The following SYT2 variants were observed in gnomAD, a reference collection of about 807,000 sequenced individuals.
SYT2 encodes the protein synaptotagmin-2.
Under a neutral mutation model 39.9 loss-of-function variants are expected in SYT2, and 15 were observed. That is an observed-to-expected ratio of 0.38 (90% CI 0.25 to 0.58). The LOEUF (loss-of-function observed/expected upper bound fraction) is 0.58, where lower values mean the gene tolerates loss of function less well. Among genes scored for constraint, SYT2 ranks in the 20% least tolerant of loss-of-function variants. The pLI, the probability that SYT2 is intolerant of heterozygous loss-of-function variation, is 0.70. For synonymous variants in SYT2, 181 were observed against 204.5 expected (o/e 0.89, Z 0.98); for missense variants, 389 against 530.3 (o/e 0.73, Z 2.62).
At chr1:202,631,145 CAAGCTGGCAA>C (rs546506332) in intron 1 of SYT2, among the ~76,000 whole-genome samples, 2 of 152,350 alleles carry the variant, frequency 1.3e-5, no homozygotes, top group South Asian at 4.1e-4. Flanking sequence ...AGTGCTCTTC[CAAGCTGGCAA>C]AATCCTGAGC....
intron 1 of SYT2, among the ~76,000 whole-genome samples, chr1:202,685,925 G>A (rs1371722624): frequency 2.0e-5 from 3 of 152,130 alleles, no homozygotes; most frequent in African/African-American, 7.2e-5. Flanking sequence ...GGGGTGTGCA[G>A]ATGCAGGAGC....
chr1:202,617,126 C>T (rs574906285), intron 1 of SYT2, among the ~76,000 whole-genome samples: 1 of 152,356 alleles, frequency 6.6e-6, no homozygotes, highest in South Asian at 2.1e-4. Flanking sequence ...CCAGCCTACA[C>T]TCCTTCTTTT....
intron 1 of SYT2, among the ~76,000 whole-genome samples, chr1:202,679,134 GCTT>G (rs1249855838): frequency 6.6e-6 from 1 of 152,126 alleles, no homozygotes; most frequent in South Asian, 2.1e-4. Flanking sequence ...CCTCCGCTCA[GCTT>G]CTTCTCCTTA....
At chr1:202,682,661 G>C (rs999273135) in intron 1 of SYT2, among the ~76,000 whole-genome samples, 4 of 152,162 alleles carry the variant, frequency 2.6e-5, no homozygotes, top group Admixed American at 2.6e-4. Context: ...CTAAACAACT[G>C]AGGCACGGGC....
chr1:202,647,591 G>A (rs1017021785), intron 1 of SYT2, among the ~76,000 whole-genome samples: 1 of 152,244 alleles, frequency 6.6e-6, no homozygotes, highest in African/African-American at 2.4e-5. Context: ...GCTGAATGAG[G>A]AGTGAGGGAG....
chr1:202,667,024 G>A (rs1692492144), intron 1 of SYT2, among the ~76,000 whole-genome samples: 1 of 152,070 alleles, frequency 6.6e-6, no homozygotes, highest in African/African-American at 2.4e-5. Flanking sequence ...CCAAAAGATT[G>A]TCATTATGTT....
rs1690163153 is a variant in SYT2 at position 202,592,571 on chromosome 1, A to G, written c.*4186T>C. On this transcript the variant is annotated 3_prime_UTR_variant, in exon 9 of 9. Transcript: ENST00000367268. The stretch of plus-strand genomic sequence containing the variant: ...CTTGATTAAACAAGATTCTGTTCAT[A>G]TGTTTCTAGGTAATTATCTTCTTTT... The G allele has an allele frequency of 6.6e-6, 1 of 152,246 alleles. No individual in the cohort carries two copies. The highest frequency in any genetic ancestry group is 1.5e-5 in the Non-Finnish European group (1 of 68,042). The allele number at this position is 152,246 out of a possible 1,614,324, so 9.4% of individuals were successfully genotyped here. A position where few individuals can be genotyped will look rare whatever the true frequency, so the allele number is the denominator to read the frequency against.
At chr1:202,669,720 T>C (rs1692547462) in intron 1 of SYT2, among the ~76,000 whole-genome samples, 1 of 148,678 alleles carries the variant, frequency 6.7e-6, no homozygotes, top group Non-Finnish European at 1.5e-5. Context: ...ATCATACCAC[T>C]GAACTCCGGC....
intron 5 of SYT2, 90 bp downstream of exon 5, chr1:202,602,288 C>T: frequency 2.1e-6 from 3 of 1,430,038 alleles, no homozygotes; most frequent in Non-Finnish European, 2.9e-6. Context: ...CAGGCTGAGC[C>T]ATGGCTAAGG....
At chr1:202,708,086 T>C (rs996233416) in intron 1 of SYT2, among the ~76,000 whole-genome samples, 1 of 152,220 alleles carries the variant, frequency 6.6e-6, no homozygotes, top group Admixed American at 6.5e-5. Flanking sequence ...TGAAACCAGC[T>C]TCAGTCCTAA....
At chr1:202,693,796 A>G (rs1362266965) in intron 1 of SYT2, among the ~76,000 whole-genome samples, 2 of 152,218 alleles carry the variant, frequency 1.3e-5, no homozygotes, top group Non-Finnish European at 2.9e-5. Flanking sequence ...CTACAAAGAA[A>G]TACCTGAGGC....
Position 202,604,452 on chromosome 1 carries a change from T to C in SYT2, c.345+3A>G, listed in dbSNP as rs1268159971. On this transcript the variant is annotated splice_donor_region_variant and intron_variant, in intron 3 of 8. Transcript: ENST00000367268. ...AGTCCCCCTCACAACCAATGTGCCC[T>C]ACCTGACCCCCTTTCATGTCCTTCA... 1.2e-6 allele frequency: 2 copies of C among 1,614,058 alleles called. No individual in the cohort carries two copies. The highest frequency in any genetic ancestry group is 2.2e-5 in the East Asian group (1 of 44,880).
At chr1:202,640,381 G>A (rs541095750) in intron 1 of SYT2, among the ~76,000 whole-genome samples, 26 of 152,238 alleles carry the variant, frequency 1.7e-4, no homozygotes, top group Middle Eastern at 3.4e-3. Context: ...AGTGGTGTGC[G>A]ACTTGCCTAA....
At chr1:202,663,122 G>A (rs1196369259) in intron 1 of SYT2, among the ~76,000 whole-genome samples, 1 of 152,156 alleles carries the variant, frequency 6.6e-6, no homozygotes, top group African/African-American at 2.4e-5. Flanking sequence ...AGCAATCAAG[G>A]TATCAGCCCA....
chr1:202,620,819 C>CA (rs887975239), intron 1 of SYT2, among the ~76,000 whole-genome samples: 8 of 152,156 alleles, frequency 5.3e-5, no homozygotes, highest in Admixed American at 1.3e-4. Context: ...CACTCACACT[C>CA]ACACTCTCAG....
intron 1 of SYT2, among the ~76,000 whole-genome samples, chr1:202,654,639 T>G (rs900161050): frequency 1.3e-5 from 2 of 152,186 alleles, no homozygotes; most frequent in African/African-American, 4.8e-5. Context: ...CATTGACCCC[T>G]GCCCCCGCCC....
intron 1 of SYT2, among the ~76,000 whole-genome samples, chr1:202,610,113 A>C (rs1690845003): frequency 6.6e-6 from 1 of 152,324 alleles, no homozygotes; most frequent in South Asian, 2.1e-4. Flanking sequence ...ATGGCTAGCC[A>C]GTTTTCCCAG....
intron 1 of SYT2, among the ~76,000 whole-genome samples, chr1:202,662,701 G>A (rs1180129482): frequency 6.6e-6 from 1 of 152,182 alleles, no homozygotes; most frequent in Non-Finnish European, 1.5e-5. Context: ...ACAGGCTTTG[G>A]CATTACACAA....
At chr1:202,675,956 C>T (rs1342411973) in intron 1 of SYT2, among the ~76,000 whole-genome samples, 2 of 152,278 alleles carry the variant, frequency 1.3e-5, no homozygotes, top group Non-Finnish European at 2.9e-5. Flanking sequence ...TTTAGGCAGG[C>T]GTTACTATGT....
Sources: allele counts gnomAD v4.1 joint callset (sites outside exome capture counted in the v4.1 genomes callset), GRCh38; gene constraint gnomAD v4.1.1; transcripts MANE v1.5; gene names NCBI Gene and HGNC (gene_info 2026-07-23, HGNC 2026-07-21).